Variants in TASP1 observed in about 807,000 individuals in gnomAD.
The protein encoded by TASP1 is threonine aspartase 1.
Under a neutral mutation model 56.6 loss-of-function variants are expected in TASP1, and 16 were observed. That is an observed-to-expected ratio of 0.28 (90% CI 0.19 to 0.43). The LOEUF is 0.43. TASP1 is among the 20% of genes least tolerant of loss of function. TASP1 has a pLI of 1.00. For missense variants in TASP1, 393 were observed against 511.6 expected, an observed-to-expected ratio of 0.77 and a Z score of 2.24; for synonymous variants, 179 against 184.2, an observed-to-expected ratio of 0.97 and a Z score of 0.23.
the TASP1 span, chr20:13,299,504 A>G: frequency 6.5e-7 from 1 of 1,549,782 alleles, no homozygotes; most frequent in Non-Finnish European, 8.7e-7. The surrounding 1 kb of genome is among the most constrained non-coding windows in gnomAD (Gnocchi z 5.8). Context: ...GTTCTGGAGC[A>G]CACACGTGCT....
At chr20:13,556,966 G>C (rs769702448) in intron 8 of TASP1, among the ~76,000 whole-genome samples, 1 of 151,998 alleles carries the variant, frequency 6.6e-6, no homozygotes, top group Non-Finnish European at 1.5e-5. Flanking sequence ...TAAAATGTAA[G>C]GTCTCATTAG....
chr20:13,416,595 CAGA>C (rs1312770642), intron 13 of TASP1, among the ~76,000 whole-genome samples: 1 of 152,156 alleles, frequency 6.6e-6, no homozygotes, highest in East Asian at 1.9e-4. Flanking sequence ...CTGCTCATAT[CAGA>C]AGTTTTCCTA....
intron 7 of TASP1, among the ~76,000 whole-genome samples, chr20:13,562,192 A>C (rs1212671980): frequency 1.3e-5 from 2 of 152,202 alleles, no homozygotes; most frequent in African/African-American, 4.8e-5. Flanking sequence ...GAAATCACAA[A>C]GGAATCAGAA....
At chr20:13,243,882 C>T in the TASP1 span, among the ~76,000 whole-genome samples, 1 of 152,116 alleles carries the variant, frequency 6.6e-6, no homozygotes, top group African/African-American at 2.4e-5. Flanking sequence ...GCACAGTTTT[C>T]CTGAAATAGA....
chr20:13,238,881 C>A, the TASP1 span: 1 of 152,248 alleles, frequency 6.6e-6, no homozygotes, highest in Admixed American at 6.5e-5. Flanking sequence ...CCCATTACTC[C>A]TGAAAAGGTT....
chr20:13,409,347 GTTTCCAAC>G (rs2042021140), intron 13 of TASP1, among the ~76,000 whole-genome samples: 2 of 151,906 alleles, frequency 1.3e-5, no homozygotes, highest in Non-Finnish European at 2.9e-5. Context: ...GGATGTTAAA[GTTTCCAAC>G]TATGACTACA....
At chr20:13,356,120 C>CA in the TASP1 span, among the ~76,000 whole-genome samples, 1 of 152,014 alleles carries the variant, frequency 6.6e-6, no homozygotes, top group Admixed American at 6.5e-5. Flanking sequence ...GCACTCTTAA[C>CA]AAAAAAATAG....
At chr20:13,117,484 A>T in the TASP1 span, 1 of 1,552,840 alleles carries the variant, frequency 6.4e-7, no homozygotes, top group Non-Finnish European at 8.7e-7. Flanking sequence ...GTTAGTTATG[A>T]GCATTTCTCC....
intron 9 of TASP1, among the ~76,000 whole-genome samples, chr20:13,531,496 TTTTTTCTTTTTTTTGA>T (rs1164918482): frequency 2.0e-5 from 3 of 151,506 alleles, no homozygotes; most frequent in Admixed American, 2.0e-4. Context: ...CTTTTTTTTT[TTTTTTCTTTTTTTTGA>T]GACAGAATCT....
chr20:13,525,719 C>T (rs186814089), intron 10 of TASP1, among the ~76,000 whole-genome samples: 1 of 152,298 alleles, frequency 6.6e-6, no homozygotes, highest in East Asian at 1.9e-4. Flanking sequence ...CTGACTTGAT[C>T]ACCCAACTCT....
At chr20:13,280,244 T>G in the TASP1 span, among the ~76,000 whole-genome samples, 1 of 152,074 alleles carries the variant, frequency 6.6e-6, no homozygotes, top group African/African-American at 2.4e-5. Flanking sequence ...TATTTTTTAC[T>G]GTAAAAATTC....
At chr20:13,208,748 T>C in the TASP1 span, among the ~76,000 whole-genome samples, 1 of 152,220 alleles carries the variant, frequency 6.6e-6, no homozygotes, top group Non-Finnish European at 1.5e-5. Context: ...GGAACAGAGC[T>C]GTTTTGTCCC....
the TASP1 span, among the ~76,000 whole-genome samples, chr20:13,343,992 G>A: frequency 6.6e-6 from 1 of 152,112 alleles, no homozygotes; most frequent in Non-Finnish European, 1.5e-5. Flanking sequence ...TCCCCACTGA[G>A]GAATGCTCTC....
intron 7 of TASP1, among the ~76,000 whole-genome samples, chr20:13,563,344 G>C (rs1170303666): frequency 6.6e-6 from 1 of 151,830 alleles, no homozygotes; most frequent in Non-Finnish European, 1.5e-5. Context: ...CTTCACTGGA[G>C]CATTCTACCA....
the TASP1 span, chr20:13,117,381 C>T: frequency 1.1e-6 from 1 of 892,810 alleles, no homozygotes. Flanking sequence ...CCAAATAAAA[C>T]ATGCCTTCAG....
At chr20:13,225,293 A>G in the TASP1 span, among the ~76,000 whole-genome samples, 1 of 152,118 alleles carries the variant, frequency 6.6e-6, no homozygotes, top group African/African-American at 2.4e-5. Context: ...TCGTTATTTT[A>G]TAGTGGGGAG....
the TASP1 span, among the ~76,000 whole-genome samples, chr20:13,190,088 G>A: frequency 1.3e-5 from 2 of 152,122 alleles, no homozygotes; most frequent in Admixed American, 6.6e-5. Flanking sequence ...CTTACAAGTG[G>A]GAGCTAAACA....
chr20:13,581,827 A>G (rs182706903), intron 5 of TASP1, among the ~76,000 whole-genome samples: 6 of 152,292 alleles, frequency 3.9e-5, no homozygotes, highest in African/African-American at 1.2e-4. Context: ...CAATTCTGTC[A>G]TGTAACCACA....
chr20:13,472,585 T>C (rs1161994751), intron 11 of TASP1, among the ~76,000 whole-genome samples: 2 of 150,824 alleles, frequency 1.3e-5, no homozygotes, highest in Non-Finnish European at 2.9e-5. Flanking sequence ...AATCTATCCA[T>C]CTAACAAAGG....
Sources: allele counts gnomAD v4.1 joint callset (sites outside exome capture counted in the v4.1 genomes callset), GRCh38; gene constraint gnomAD v4.1.1; non-coding constraint Gnocchi (gnomAD v3.1); transcripts MANE v1.5; gene names NCBI Gene and HGNC (gene_info 2026-07-23, HGNC 2026-07-21).